The following FRMPD2 variants were observed in gnomAD, a reference collection of about 807,000 sequenced individuals.
FRMPD2 encodes FERM and PDZ domain-containing protein 2.
In FRMPD2, 96 loss-of-function variants were observed where a neutral mutation model predicts 140.1. The observed-to-expected ratio is 0.69, with a 90% CI of 0.58 to 0.81. The LOEUF (loss-of-function observed/expected upper bound fraction) is 0.81, where lower values mean the gene tolerates loss of function less well. Among genes scored for constraint, FRMPD2 ranks in the 40% least tolerant of loss-of-function variants. The pLI is 0.00. For synonymous variants in FRMPD2, 449 were observed against 547.6 expected (o/e 0.82, Z 2.52); for missense variants, 1,240 against 1,447.4 (o/e 0.86, Z 2.32).
intron 25 of FRMPD2, among the ~76,000 whole-genome samples, 168 bp from the exon 26 acceptor site, chr10:48,171,376 G>A (rs1322049210): frequency 6.6e-6 from 1 of 151,670 alleles, no homozygotes; most frequent in African/African-American, 2.4e-5. Context: ...GATTAGTGCT[G>A]TCCAATAAAA....
chr10:48,217,693 T>C (rs1481700248), intron 12 of FRMPD2, among the ~76,000 whole-genome samples: 1 of 152,196 alleles, frequency 6.6e-6, no homozygotes, highest in Admixed American at 6.5e-5. Flanking sequence ...CATTTATCCA[T>C]GGGACATGGC....
intron 15 of FRMPD2, among the ~76,000 whole-genome samples, chr10:48,195,001 A>G (rs1387511018): frequency 1.3e-5 from 2 of 152,242 alleles, no homozygotes; most frequent in African/African-American, 2.4e-5. Flanking sequence ...GACTCATAGC[A>G]TAATTGTGGC....
At chr10:48,182,768 C>G (rs1357719255) in intron 20 of FRMPD2, among the ~76,000 whole-genome samples, 1 of 152,200 alleles carries the variant, frequency 6.6e-6, no homozygotes, top group Non-Finnish European at 1.5e-5. Context: ...TTTTGACAAC[C>G]TCCATCACAG....
At chr10:48,234,994 G>T (rs888214999) in intron 9 of FRMPD2, among the ~76,000 whole-genome samples, 6 of 152,158 alleles carry the variant, frequency 3.9e-5, no homozygotes, top group Non-Finnish European at 8.8e-5. Flanking sequence ...TCAGGAAGGG[G>T]TCCCTGGGTG....
At position 48,220,684 on chromosome 10, in the gene FRMPD2, A is replaced by C. The variant is rs1839563572; in HGVS notation, c.1455+1629T>G. 2.6e-5 allele frequency among the ~76,000 whole-genome samples: 4 copies of C among 152,372 alleles called. No homozygotes were observed. In the South Asian group the frequency reaches 8.3e-4, roughly 32 times the overall value. ...AAATAGGAGAAAATCTTTGCAATCT[A>C]TACATCCAACAAAGGACTAATATCC... On this transcript the variant is annotated intron_variant, in intron 12 of 28. Coordinates refer to ENST00000374201, the MANE Select transcript of FRMPD2 (RefSeq NM_001018071.4).
intron 9 of FRMPD2, 72 bp from the exon 10 acceptor site, chr10:48,232,361 T>C: frequency 9.2e-7 from 1 of 1,082,732 alleles, no homozygotes; most frequent in Non-Finnish European, 1.3e-6. Context: ...CTGGTTACTG[T>C]ACTAAGCACT....
chr10:48,209,716 C>T (rs896486378), intron 13 of FRMPD2, among the ~76,000 whole-genome samples: 4 of 152,164 alleles, frequency 2.6e-5, no homozygotes, highest in Non-Finnish European at 4.4e-5. Context: ...ATATCAACAA[C>T]GTTCAAAATG....
intron 17 of FRMPD2, 30 bp downstream of exon 17, chr10:48,187,161 AC>A: frequency 6.6e-7 from 1 of 1,522,922 alleles, no homozygotes; most frequent in Non-Finnish European, 9.0e-7. Flanking sequence ...GGGTTCCTCC[AC>A]CCAAGACCTG....
At chr10:48,246,981 G>T (rs1840265044) in intron 3 of FRMPD2, among the ~76,000 whole-genome samples, 2 of 152,208 alleles carry the variant, frequency 1.3e-5, no homozygotes, top group South Asian at 4.1e-4. Flanking sequence ...TGCTTCATAT[G>T]CCTAGAGCGC....
At chr10:48,218,633 T>C (rs942277593) in intron 12 of FRMPD2, among the ~76,000 whole-genome samples, 1 of 152,004 alleles carries the variant, frequency 6.6e-6, no homozygotes, top group Non-Finnish European at 1.5e-5. Flanking sequence ...TCAGCACCAA[T>C]GGGAAAGAAG....
intron 1 of FRMPD2, among the ~76,000 whole-genome samples, chr10:48,261,850 T>C (rs1256645528): frequency 6.6e-6 from 1 of 152,184 alleles, no homozygotes; most frequent in African/African-American, 2.4e-5. Context: ...AAACGGGTAT[T>C]ACTCTGTAAT....
rs557017781 is a variant in FRMPD2, at chr10:48,220,912, C to T, written c.1455+1401G>A. On this transcript the variant is annotated intron_variant, in intron 12 of 28. Coordinates refer to ENST00000374201, the MANE Select transcript of FRMPD2 (RefSeq NM_001018071.4). ...TGGTACCACCTCACTCCTGCAAGAA[C>T]GGCCATAACCAAAAAATCAAAAAAT... Among the ~76,000 whole-genome samples, 26 of 152,192 alleles carry T rather than the reference C, an allele frequency of 1.7e-4. 2 individuals carry two copies. The South Asian group carries it at 1.9e-3, about 11-fold the overall frequency.
chr10:48,261,970 C>T (rs1479446664), intron 1 of FRMPD2, among the ~76,000 whole-genome samples: 1 of 152,028 alleles, frequency 6.6e-6, no homozygotes, highest in Admixed American at 6.6e-5. Context: ...AGAAGTATAA[C>T]TTACATGCCA....
In FRMPD2 at chr10:48,195,966, C is replaced by T. The variant is rs935717755; in HGVS notation, c.1955-3072G>A. Among the ~76,000 whole-genome samples, 4 of 152,122 alleles carry T rather than the reference C, an allele frequency of 2.6e-5. No individual in the cohort carries two copies. In the South Asian group the frequency reaches 8.3e-4, roughly 32 times the overall value. Reference sequence around the variant, plus strand: ...AGGTCTGCACAGCAGAGGGAGTGGTCCATCCACCTAGGAAGAGCCACCTGG... The same window carrying T: ...AGGTCTGCACAGCAGAGGGAGTGGTTCATCCACCTAGGAAGAGCCACCTGG... On this transcript the variant is annotated intron_variant, in intron 15 of 28. Transcript: ENST00000374201.
chr10:48,238,131 G>A lies in FRMPD2; in HGVS notation c.789-8C>T, dbSNP rs937049502. 4 of 1,607,712 alleles carry A rather than the reference G, an allele frequency of 2.5e-6. No homozygotes were observed. The highest frequency in any genetic ancestry group is 3.3e-5 in the Admixed American group (2 of 59,838). ...TCTGCTCCTGGAAGAGCGCTGGCCA[G>A]GGGTTGAGAAGGGGTGAAGCACTTA... On this transcript the variant is annotated splice_region_variant and splice_polypyrimidine_tract_variant and intron_variant, in intron 7 of 28. Coordinates refer to ENST00000374201, the MANE Select transcript of FRMPD2 (RefSeq NM_001018071.4).
intron 26 of FRMPD2, among the ~76,000 whole-genome samples, chr10:48,170,307 G>T (rs532936777): frequency 3.9e-5 from 6 of 152,148 alleles, no homozygotes; most frequent in East Asian, 1.9e-4. Context: ...GCCATGGGAC[G>T]ACTACAACCT....
At chr10:48,213,274 T>TA (rs376754063) in intron 12 of FRMPD2, among the ~76,000 whole-genome samples, 180 of 152,250 alleles carry the variant, frequency 1.2e-3, no homozygotes, top group African/African-American at 4.0e-3. Context: ...GGCTAGTGCA[T>TA]AAAAAAGCAT....
intron 1 of FRMPD2, 78 bp downstream of exon 1, chr10:48,274,465 G>T: frequency 7.9e-7 from 1 of 1,263,010 alleles, no homozygotes; most frequent in South Asian, 1.2e-5. Context: ...TCTTATTCCG[G>T]ATACCTAGAC....
chr10:48,226,489 A>T (rs1182850346), intron 10 of FRMPD2, among the ~76,000 whole-genome samples: 4 of 152,252 alleles, frequency 2.6e-5, no homozygotes, highest in Non-Finnish European at 5.9e-5. Context: ...AAAATATGCC[A>T]TTTGGGCCTA....
Sources: gnomAD v4.1 joint callset for allele counts (sites outside exome capture counted in the v4.1 genomes callset) on GRCh38, gnomAD v4.1.1 for gene constraint, MANE v1.5 for transcripts, NCBI Gene and HGNC (gene_info 2026-07-23, HGNC 2026-07-21) for gene names.